ST18: variants seen among roughly 807,000 people sequenced by gnomAD.
ST18 encodes suppression of tumorigenicity 18 protein.
In ST18, 50 loss-of-function variants were observed where a neutral mutation model predicts 110.0. The observed-to-expected ratio is 0.45, with a 90% CI of 0.36 to 0.58. The LOEUF is 0.58. ST18 is among the 20% of genes least tolerant of loss of function. The pLI is 0.00. For missense variants in ST18, 1,306 were observed against 1,280.1 expected (o/e 1.02, Z -0.31); for synonymous variants, 461 against 452.4 (o/e 1.02, Z -0.24).
At chr8:52,175,593 A>C (rs1485071968) in intron 9 of ST18, among the ~76,000 whole-genome samples, 2 of 152,166 alleles carry the variant, frequency 1.3e-5, no homozygotes, top group East Asian at 1.9e-4. Flanking sequence ...AGATCCAATG[A>C]TGTGATGACT....
chr8:52,200,296 G>T (rs545797135), intron 8 of ST18, among the ~76,000 whole-genome samples: 1 of 152,200 alleles, frequency 6.6e-6, no homozygotes, highest in Non-Finnish European at 1.5e-5. Flanking sequence ...AAAGAAGGCT[G>T]GAATAAGTGC....
chr8:52,210,267 A>C (rs1380728683), intron 8 of ST18: 1 of 395,296 alleles, frequency 2.5e-6, no homozygotes, highest in Non-Finnish European at 5.0e-6. Context: ...AGCAAATTTT[A>C]AAGGCAATAA....
At chr8:52,267,434 A>T (rs1023948772) in intron 2 of ST18, among the ~76,000 whole-genome samples, 1 of 148,576 alleles carries the variant, frequency 6.7e-6, no homozygotes, top group Admixed American at 6.8e-5. Context: ...AGTTGAAAGT[A>T]GCAATGGGGA....
rs2065287265 is a variant in ST18, at chr8:52,172,413, T to A, written c.448A>T (p.Asn150Tyr). The A allele has an allele frequency of 1.2e-6, 2 of 1,614,060 alleles. No homozygotes were observed. The part of the protein sequence containing the change: ...VSVQTVSENL[N>Y]DSGIQSLKAE... ...TTTAAAGACTGGATGCCACTGTCAT[T>A]TAAATTTTCACTTACAGTCTGAACA... is the stretch of plus-strand genomic sequence containing the variant. Residue 150 changes from asparagine (N) to tyrosine (Y), a missense_variant, in exon 10 of 26, where the codon AAT becomes TAT. Coordinates refer to ENST00000689386, the MANE Select transcript of ST18 (RefSeq NM_001352837.2).
At chr8:52,338,904 T>C (rs1198118588) in intron 2 of ST18, among the ~76,000 whole-genome samples, 1 of 151,760 alleles carries the variant, frequency 6.6e-6, no homozygotes, top group Non-Finnish European at 1.5e-5. Context: ...AACCCAGCTA[T>C]TTTTAAAATT....
In ST18 at chr8:52,161,418, G is replaced by T; in HGVS notation, c.1551C>A (p.Leu517=). Residue 517 remains leucine (L), a synonymous_variant, in exon 14 of 26, where the codon CTC becomes CTA. Coordinates refer to ENST00000689386, the MANE Select transcript of ST18 (RefSeq NM_001352837.2). ...FDAQVFGKRP[L]IQTVQGRKTP... Reference sequence around the variant, plus strand: ...TTTTTCGTCCTTGCACTGTTTGTATGAGAGGGCGTTTACCGAAAACTTGGG... The same window carrying T: ...TTTTTCGTCCTTGCACTGTTTGTATTAGAGGGCGTTTACCGAAAACTTGGG... The T allele has an allele frequency of 6.2e-7, 1 of 1,614,170 alleles. No homozygotes were observed. Among genetic ancestry groups the T allele is most frequent in the Non-Finnish European group, 8.5e-7 (1 of 1,180,034 alleles).
At chr8:52,352,355 G>A (rs113596958) in intron 2 of ST18, among the ~76,000 whole-genome samples, 3 of 152,222 alleles carry the variant, frequency 2.0e-5, no homozygotes, top group South Asian at 2.1e-4. Context: ...TCCAAGCAAC[G>A]CAGTGAGCAC....
At chr8:52,358,385 A>C (rs1026417597) in intron 2 of ST18, among the ~76,000 whole-genome samples, 31 of 151,890 alleles carry the variant, frequency 2.0e-4, no homozygotes, top group Admixed American at 1.6e-3. Flanking sequence ...GAGTAGAAGA[A>C]CCATACAATC....
intron 15 of ST18, among the ~76,000 whole-genome samples, chr8:52,150,266 G>GTGTGT (rs2058478796): frequency 2.0e-5 from 3 of 151,908 alleles, no homozygotes; most frequent in South Asian, 4.2e-4. Flanking sequence ...AAATGTGTGT[G>GTGTGT]TGTGTGTGTG....
intron 15 of ST18, among the ~76,000 whole-genome samples, chr8:52,156,223 C>A (rs1406343995): frequency 6.6e-6 from 1 of 152,202 alleles, no homozygotes; most frequent in African/African-American, 2.4e-5. Context: ...CTGACCCTAA[C>A]CTGTGGCCGG....
At chr8:52,160,985 C>T (rs1436715649) in intron 14 of ST18, among the ~76,000 whole-genome samples, 8 of 152,076 alleles carry the variant, frequency 5.3e-5, no homozygotes, top group Non-Finnish European at 1.2e-4. Flanking sequence ...AACATTTTAC[C>T]TATTAGATTT....
intron 8 of ST18, among the ~76,000 whole-genome samples, chr8:52,190,210 A>G (rs1232877933): frequency 6.6e-6 from 1 of 152,216 alleles, no homozygotes; most frequent in Non-Finnish European, 1.5e-5. Flanking sequence ...TAAAACATGT[A>G]TATAAAACAG....
chr8:52,282,103 A>C (rs1385020389), intron 2 of ST18, among the ~76,000 whole-genome samples: 1 of 152,168 alleles, frequency 6.6e-6, no homozygotes, highest in Non-Finnish European at 1.5e-5. Flanking sequence ...CATTACAAAG[A>C]TATGATTCCA....
intron 10 of ST18, chr8:52,171,557 G>A: frequency 3.2e-6 from 2 of 624,150 alleles, no homozygotes; most frequent in Non-Finnish European, 2.9e-6. Context: ...AAGAGAAATA[G>A]ATTCAATGAA....
At chr8:52,351,236 T>A (rs564812687) in intron 2 of ST18, among the ~76,000 whole-genome samples, 188 of 152,328 alleles carry the variant, frequency 1.2e-3, no homozygotes, top group African/African-American at 4.3e-3. Context: ...TTTATCAGCA[T>A]CTGATGAGAT....
intron 2 of ST18, among the ~76,000 whole-genome samples, chr8:52,366,971 G>A (rs1316293604): frequency 1.3e-5 from 2 of 152,138 alleles, no homozygotes; most frequent in Admixed American, 6.5e-5. Context: ...AGTGGCTCAC[G>A]CCTGTAATCC....
chr8:52,215,624 A>G (rs1328885098), intron 6 of ST18, among the ~76,000 whole-genome samples: 1 of 152,246 alleles, frequency 6.6e-6, no homozygotes, highest in Non-Finnish European at 1.5e-5. Flanking sequence ...GCTGAACAGC[A>G]GTTGCTATAG....
chr8:52,379,643 A>T (rs1833794513), intron 2 of ST18, among the ~76,000 whole-genome samples: 1 of 152,224 alleles, frequency 6.6e-6, no homozygotes, highest in Non-Finnish European at 1.5e-5. Flanking sequence ...CAAATACATA[A>T]AATATTAATA....
intron 2 of ST18, among the ~76,000 whole-genome samples, chr8:52,381,613 T>C (rs1023895867): frequency 6.6e-6 from 1 of 152,184 alleles, no homozygotes; most frequent in African/African-American, 2.4e-5. Context: ...AAAGCAAAGA[T>C]TCTTGGAGTC....
Sources: allele counts gnomAD v4.1 joint callset (sites outside exome capture counted in the v4.1 genomes callset), GRCh38; gene constraint gnomAD v4.1.1; transcripts MANE v1.5; gene names NCBI Gene and HGNC (gene_info 2026-07-23, HGNC 2026-07-21).